Variants in TAFA1 observed in about 807,000 individuals in gnomAD.
The protein encoded by TAFA1 is chemokine-like protein TAFA-1.
Under a neutral mutation model 18.5 loss-of-function variants are expected in TAFA1, and 4 were observed. The ratio of observed to expected loss-of-function variants is 0.22; its 90% CI spans 0.11 to 0.49. The LOEUF (loss-of-function observed/expected upper bound fraction) is 0.49, where lower values mean the gene tolerates loss of function less well. Ranked by LOEUF, TAFA1 falls within the 20% of genes least tolerant of loss-of-function variation. The pLI is 0.98. For synonymous variants in TAFA1, 56 were observed against 55.2 expected (o/e 1.01, Z -0.06); for missense variants, 147 against 169.0 (o/e 0.87, Z 0.72).
intron 2 of TAFA1, among the ~76,000 whole-genome samples, chr3:68,368,379 G>A (rs959272299): frequency 6.6e-6 from 1 of 152,174 alleles, no homozygotes; most frequent in Non-Finnish European, 1.5e-5. Context: ...GTCCCTGGTG[G>A]GAGGTTTCAC....
Position 68,366,170 on chromosome 3 carries a change from T to C in TAFA1, c.119-51110T>C, listed in dbSNP as rs575534410. On this transcript the variant is annotated intron_variant, in intron 2 of 4. Coordinates refer to ENST00000478136, the MANE Select transcript of TAFA1 (RefSeq NM_213609.4). ...AACCATATTGGGGAAACCGCCCCCATGATTCAGTTATCTCCCATGGGGTCC... is the reference window on the plus strand; with the variant it reads ...AACCATATTGGGGAAACCGCCCCCACGATTCAGTTATCTCCCATGGGGTCC... Among the ~76,000 whole-genome samples, 4 of 150,988 alleles carry C rather than the reference T, an allele frequency of 2.6e-5. No homozygotes were observed. The East Asian group carries it at 5.9e-4, about 22-fold the overall frequency.
intron 2 of TAFA1, among the ~76,000 whole-genome samples, chr3:68,189,914 C>A (rs2066317544): frequency 6.6e-6 from 1 of 151,802 alleles, no homozygotes; most frequent in Non-Finnish European, 1.5e-5. Flanking sequence ...GGGAATTTCT[C>A]CTAGTGTGTT....
chr3:68,214,340 T>A (rs962939228), intron 2 of TAFA1, among the ~76,000 whole-genome samples: 1 of 152,158 alleles, frequency 6.6e-6, no homozygotes, highest in Non-Finnish European at 1.5e-5. Context: ...GAAGCTGTGA[T>A]GCTTTGATAC....
rs569643014 is a variant in TAFA1, at chr3:68,234,238, G to A, written c.119-183042G>A. Among the ~76,000 whole-genome samples, 3 of 152,260 alleles carry A rather than the reference G, an allele frequency of 2.0e-5. No homozygotes were observed. The South Asian group carries it at 6.2e-4, about 32-fold the overall frequency. ...GTGTTTGGAAACTGCATTTGGAATT[G>A]GCCTCCTACAGAAAGAAGCTAGATA... On this transcript the variant is annotated intron_variant, in intron 2 of 4. Transcript: ENST00000478136.
intron 3 of TAFA1, among the ~76,000 whole-genome samples, chr3:68,472,669 G>T (rs1211779720): frequency 6.6e-6 from 1 of 152,008 alleles, no homozygotes; most frequent in African/African-American, 2.4e-5. Flanking sequence ...ACTGGATAAA[G>T]GGTATATAGG....
intron 3 of TAFA1, among the ~76,000 whole-genome samples, chr3:68,466,544 G>A (rs561083167): frequency 2.0e-5 from 3 of 152,148 alleles, no homozygotes; most frequent in Admixed American, 6.6e-5. Flanking sequence ...TGAAGTACTC[G>A]GTCCTGTATG....
intron 2 of TAFA1, among the ~76,000 whole-genome samples, chr3:68,413,357 G>C (rs2070752862): frequency 6.6e-6 from 1 of 151,906 alleles, no homozygotes; most frequent in Non-Finnish European, 1.5e-5. Context: ...AGTCACTCTT[G>C]GTCTCATTTG....
intron 2 of TAFA1, among the ~76,000 whole-genome samples, chr3:68,358,472 A>G (rs2069405825): frequency 6.6e-6 from 1 of 151,934 alleles, no homozygotes; most frequent in Admixed American, 6.6e-5. Flanking sequence ...TTGAGAGGTC[A>G]AGCAACTTGC....
intron 2 of TAFA1, among the ~76,000 whole-genome samples, chr3:68,403,770 A>T (rs996761417): frequency 6.6e-6 from 1 of 152,206 alleles, no homozygotes; most frequent in Admixed American, 6.5e-5. Context: ...TTGATCCTTG[A>T]TCTGAAATAC....
At chr3:68,063,041 C>G (rs537343509) in intron 2 of TAFA1, among the ~76,000 whole-genome samples, 1 of 152,148 alleles carries the variant, frequency 6.6e-6, no homozygotes, top group African/African-American at 2.4e-5. Flanking sequence ...GAATGGGACA[C>G]TGTATCCAGA....
chr3:68,262,307 GTATATATATATA>G (rs763753757), intron 2 of TAFA1, among the ~76,000 whole-genome samples: 991 of 32,130 alleles, frequency 0.031, 29 homozygotes, highest in Non-Finnish European at 0.038. Context: ...GATATGGAGG[GTATATATATATA>G]TATATATATA....
At chr3:68,351,718 G>T (rs925648972) in intron 2 of TAFA1, among the ~76,000 whole-genome samples, 15 of 151,998 alleles carry the variant, frequency 9.9e-5, no homozygotes, top group African/African-American at 3.6e-4. Flanking sequence ...AAAAGCTCTT[G>T]TAATAGACAA....
chr3:68,237,466 C>T (rs1212612076), intron 2 of TAFA1, among the ~76,000 whole-genome samples: 1 of 152,164 alleles, frequency 6.6e-6, no homozygotes, highest in Non-Finnish European at 1.5e-5. Context: ...TGCTGATGCT[C>T]AAGTAGATAG....
chr3:68,485,661 T>C (rs181502610), intron 3 of TAFA1, among the ~76,000 whole-genome samples: 9 of 152,342 alleles, frequency 5.9e-5, no homozygotes, highest in Non-Finnish European at 2.9e-5. Context: ...ATTCAGTCAA[T>C]TAAATTCAAA....
intron 2 of TAFA1, among the ~76,000 whole-genome samples, chr3:68,180,268 G>C (rs181619368): frequency 2.8e-4 from 42 of 151,538 alleles, no homozygotes; most frequent in Non-Finnish European, 4.7e-4. Flanking sequence ...TCGAACTCCC[G>C]ACCTCAGGTT....
intron 2 of TAFA1, among the ~76,000 whole-genome samples, chr3:68,119,004 G>A (rs925219884): frequency 5.9e-5 from 9 of 151,522 alleles, no homozygotes; most frequent in African/African-American, 2.2e-4. Flanking sequence ...GTGTACAAAT[G>A]ACACAATTTT....
intron 3 of TAFA1, among the ~76,000 whole-genome samples, chr3:68,480,345 G>A (rs569637935): frequency 1.1e-4 from 16 of 152,256 alleles, no homozygotes; most frequent in African/African-American, 3.9e-4. Flanking sequence ...GGAGGTTGCA[G>A]TGAGGCAAGA....
intron 2 of TAFA1, among the ~76,000 whole-genome samples, chr3:68,346,497 C>G (rs2069165935): frequency 6.6e-6 from 1 of 152,230 alleles, no homozygotes; most frequent in South Asian, 2.1e-4. Flanking sequence ...TCTCTGGGCC[C>G]CAAAATCTTG....
chr3:68,381,395 C>A (rs1313945518), intron 2 of TAFA1, among the ~76,000 whole-genome samples: 2 of 151,836 alleles, frequency 1.3e-5, no homozygotes, highest in Non-Finnish European at 2.9e-5. Flanking sequence ...ATTCTTCCTA[C>A]CCATGAGCAT....
Sources: allele counts gnomAD v4.1 joint callset (sites outside exome capture counted in the v4.1 genomes callset), GRCh38; gene constraint gnomAD v4.1.1; transcripts MANE v1.5; gene names NCBI Gene and HGNC (gene_info 2026-07-23, HGNC 2026-07-21).